The following FARP1 variants were observed in gnomAD, a reference collection of about 807,000 sequenced individuals.
The protein encoded by FARP1 is FERM, ARH/RhoGEF and pleckstrin domain protein 1.
In FARP1, 52 loss-of-function variants were observed where a neutral mutation model predicts 128.8. The observed-to-expected ratio is 0.40, with a 90% CI of 0.32 to 0.51. The LOEUF (loss-of-function observed/expected upper bound fraction) is 0.51. FARP1 is among the 20% of genes least tolerant of loss of function. The pLI, the probability that FARP1 is intolerant of heterozygous loss-of-function variation, is 0.45. For synonymous variants in FARP1, 580 were observed against 551.8 expected (o/e 1.05, Z -0.72); for missense variants, 1,333 against 1,367.9 (o/e 0.97, Z 0.40).
chr13:98,253,732 T>C (rs4771299), intron 2 of FARP1, among the ~76,000 whole-genome samples: 95,376 of 152,062 alleles, frequency 0.63, 31,201 homozygotes, highest in East Asian at 0.89. Context: ...CCAGATGTGC[T>C]CTGCTCTTGG....
intron 3 of FARP1, among the ~76,000 whole-genome samples, chr13:98,360,833 G>T (rs1262306545): frequency 6.6e-6 from 1 of 152,216 alleles, no homozygotes; most frequent in Non-Finnish European, 1.5e-5. Context: ...GTGTTCAAGA[G>T]ATCAGCGGCA....
intron 2 of FARP1, among the ~76,000 whole-genome samples, chr13:98,301,882 G>A (rs757987048): frequency 2.6e-5 from 4 of 152,154 alleles, no homozygotes; most frequent in African/African-American, 9.7e-5. Context: ...TGGAGGATGC[G>A]TGCAACAGCC....
At chr13:98,285,156 C>A (rs1466920923) in intron 2 of FARP1, among the ~76,000 whole-genome samples, 1 of 152,166 alleles carries the variant, frequency 6.6e-6, no homozygotes, top group Non-Finnish European at 1.5e-5. Context: ...TAGATTGTAA[C>A]AATGTGCATG....
Position 98,312,592 on chromosome 13 carries a change from C to T in FARP1, c.172-31170C>T, listed in dbSNP as rs117797826. Reference sequence around the variant, plus strand: ...CAAGAAATTCATAATGCTTCCCCCCCCACCGGAAAAGAGGTCAGTATAGCT... The same window carrying T: ...CAAGAAATTCATAATGCTTCCCCCCTCACCGGAAAAGAGGTCAGTATAGCT... On this transcript the variant is annotated intron_variant, in intron 2 of 26. Transcript: ENST00000319562. Among the ~76,000 whole-genome samples, 70 of 152,226 alleles carry T rather than the reference C, an allele frequency of 4.6e-4. 1 individual carries two copies. The East Asian group carries it at 0.012, about 27-fold the overall frequency.
intron 3 of FARP1, among the ~76,000 whole-genome samples, chr13:98,356,959 A>G (rs1888670526): frequency 6.6e-6 from 1 of 152,108 alleles, no homozygotes; most frequent in Non-Finnish European, 1.5e-5. Flanking sequence ...TTAAATCCCC[A>G]GCAATATTCT....
At chr13:98,417,480 AAAAAG>A (rs1891429800) in intron 16 of FARP1, among the ~76,000 whole-genome samples, 3 of 146,256 alleles carry the variant, frequency 2.1e-5, no homozygotes, top group Admixed American at 6.7e-5. Context: ...AAAAAAAAAA[AAAAAG>A]AACACATGGG....
chr13:98,177,088 C>A (rs1219941832), intron 1 of FARP1: 1 of 1,599,026 alleles, frequency 6.3e-7, no homozygotes, highest in South Asian at 1.1e-5. Flanking sequence ...GCCCTCGTCC[C>A]CGCTGCTGCT....
intron 2 of FARP1, among the ~76,000 whole-genome samples, chr13:98,219,420 T>C (rs1482669595): frequency 1.3e-5 from 2 of 151,944 alleles, no homozygotes; most frequent in Non-Finnish European, 2.9e-5. Context: ...AGTGGCATGA[T>C]CATAGCTCAC....
intron 2 of FARP1, among the ~76,000 whole-genome samples, chr13:98,242,234 C>G (rs12865437): frequency 0.33 from 49,552 of 152,068 alleles, 9,434 homozygotes; most frequent in East Asian, 0.62. Context: ...CGTACTCCCC[C>G]TCCCTCGAGG....
intron 6 of FARP1, chr13:98,382,257 A>T (rs933319784): frequency 6.6e-6 from 1 of 152,152 alleles, no homozygotes; most frequent in African/African-American, 2.4e-5. Flanking sequence ...GATTTTGAGT[A>T]TGTGTCTGTT....
intron 16 of FARP1, among the ~76,000 whole-genome samples, chr13:98,414,684 C>G (rs1007444535): frequency 3.9e-5 from 6 of 152,148 alleles, no homozygotes; most frequent in African/African-American, 1.4e-4. Context: ...TAGCCAAGGT[C>G]AAGAACATTT....
chr13:98,149,546 T>C (rs1875822867), intron 1 of FARP1, among the ~76,000 whole-genome samples: 1 of 152,146 alleles, frequency 6.6e-6, no homozygotes, highest in Admixed American at 6.6e-5. Flanking sequence ...ATCAGTGATG[T>C]ATGAGACTTC....
intron 1 of FARP1, among the ~76,000 whole-genome samples, chr13:98,198,865 C>T (rs1398321432): frequency 3.1e-5 from 3 of 96,258 alleles, no homozygotes; most frequent in Non-Finnish European, 4.6e-5. Context: ...GTGACAGAGC[C>T]AGACTCCATC....
intron 2 of FARP1, among the ~76,000 whole-genome samples, chr13:98,232,965 G>C (rs1476401135): frequency 6.6e-6 from 1 of 152,178 alleles, no homozygotes; most frequent in Non-Finnish European, 1.5e-5. Context: ...AGAAGTTCAA[G>C]GGCCTTTGTC....
At chr13:98,186,413 G>C (rs9556901) in intron 1 of FARP1, among the ~76,000 whole-genome samples, 1 of 152,006 alleles carries the variant, frequency 6.6e-6, no homozygotes, top group Non-Finnish European at 1.5e-5. Flanking sequence ...TGGCGCTCCA[G>C]AACATTTTCC....
intron 3 of FARP1, among the ~76,000 whole-genome samples, chr13:98,349,244 A>G (rs1888304354): frequency 6.6e-6 from 1 of 152,228 alleles, no homozygotes; most frequent in Non-Finnish European, 1.5e-5. Context: ...GGTTATTATG[A>G]GGGCTAATCA....
At chr13:98,155,374 T>G in intron 1 of FARP1, among the ~76,000 whole-genome samples, 1 of 137,316 alleles carries the variant, frequency 7.3e-6, no homozygotes, top group Non-Finnish European at 1.5e-5. Flanking sequence ...AAAAGTCAAC[T>G]GGGACTGTGG....
intron 2 of FARP1, among the ~76,000 whole-genome samples, chr13:98,274,578 A>G (rs1884546580): frequency 1.3e-5 from 2 of 152,214 alleles, no homozygotes; most frequent in Non-Finnish European, 2.9e-5. Context: ...CTCCTCCCCT[A>G]AAAGTAAACA....
intron 1 of FARP1, among the ~76,000 whole-genome samples, chr13:98,193,013 T>C (rs1191480481): frequency 1.3e-5 from 2 of 151,906 alleles, no homozygotes; most frequent in African/African-American, 4.8e-5. Flanking sequence ...TGCCAGCCCT[T>C]GTCTTCCAAT....
Sources: gnomAD v4.1 joint callset for allele counts (sites outside exome capture counted in the v4.1 genomes callset) on GRCh38, gnomAD v4.1.1 for gene constraint, MANE v1.5 for transcripts, NCBI Gene and HGNC (gene_info 2026-07-23, HGNC 2026-07-21) for gene names.